PKD1L1: variants seen among roughly 807,000 people sequenced by gnomAD.
PKD1L1 encodes polycystin-1-like protein 1.
In PKD1L1, 236 loss-of-function variants were observed where a neutral mutation model predicts 323.4. The observed-to-expected ratio is 0.73, with a 90% CI of 0.66 to 0.81. The LOEUF (loss-of-function observed/expected upper bound fraction) is 0.81. Among genes scored for constraint, PKD1L1 ranks in the 40% least tolerant of loss-of-function variants. The pLI is 0.00. For missense variants in PKD1L1, 3,320 were observed against 3,508.0 expected, an observed-to-expected ratio of 0.95 and a Z score of 1.35; for synonymous variants, 1,344 against 1,335.0, an observed-to-expected ratio of 1.01 and a Z score of -0.15.
chr7:47,899,697 C>G (rs1342021224), intron 13 of PKD1L1, among the ~76,000 whole-genome samples: 1 of 152,114 alleles, frequency 6.6e-6, no homozygotes, highest in Non-Finnish European at 1.5e-5. Context: ...TGACGCAAGC[C>G]TGTAATCCCA....
At chr7:47,789,668 C>T (rs188184467) in intron 56 of PKD1L1, among the ~76,000 whole-genome samples, 196 of 152,224 alleles carry the variant, frequency 1.3e-3, no homozygotes, top group Non-Finnish European at 2.5e-3. Context: ...CATGGGATTT[C>T]GTCTGTCAGT....
the PKD1L1 span, chr7:47,957,301 C>T: frequency 6.5e-6 from 1 of 153,310 alleles, no homozygotes; most frequent in South Asian, 2.0e-4. Context: ...GTTCATTGAA[C>T]ATTTACAGAA....
Position 47,833,222 on chromosome 7 carries a change from C to T in PKD1L1, c.6205G>A (p.Gly2069Ser). Residue 2069 changes from glycine (G) to serine (S), a missense_variant, in exon 41 of 57, where the codon GGC becomes AGC. Gly to Ser is a moderately conservative substitution (Grantham distance 56, BLOSUM62 0). Coordinates refer to ENST00000289672, the MANE Select transcript of PKD1L1 (RefSeq NM_138295.5). ...QPASAILSGS[G>S]RAQRKAASDN... The stretch of plus-strand genomic sequence containing the variant: ...CTTGCCGCCTTCCTTTGGGCCCTGC[C>T]ACTCCCAGAGAGAATGGCTGATGCA... 1 of 1,613,146 alleles carries T rather than the reference C, an allele frequency of 6.2e-7. No individual in the cohort carries two copies.
At chr7:47,949,712 C>T (rs1385470070), upstream of PKD1L1, among the ~76,000 whole-genome samples, 1 of 152,144 alleles carries the variant, frequency 6.6e-6, no homozygotes, top group African/African-American at 2.4e-5. Context: ...TTTTTTCTCT[C>T]CACTCTGAAG....
chr7:47,793,363 G>A (rs1412310473), intron 55 of PKD1L1, among the ~76,000 whole-genome samples: 2 of 152,072 alleles, frequency 1.3e-5, no homozygotes, highest in Non-Finnish European at 2.9e-5. Context: ...AGGGACCTGG[G>A]GGGAGGTAAT....
intron 1 of PKD1L1, among the ~76,000 whole-genome samples, chr7:47,944,351 C>T (rs937887536): frequency 2.0e-5 from 3 of 152,178 alleles, no homozygotes; most frequent in South Asian, 2.1e-4. Context: ...CCTGAGGCCT[C>T]CCCAGTAGCA....
Position 47,815,390 on chromosome 7 carries a change from G to C in PKD1L1, c.7033C>G (p.Leu2345Val), listed in dbSNP as rs1784994587. Reference sequence around the variant, plus strand: ...CCTCCCGGGTACAGGCCATCCAGAAGTGTGGTCAGACTCCAGTCCCACCAG... The same window carrying C: ...CCTCCCGGGTACAGGCCATCCAGAACTGTGGTCAGACTCCAGTCCCACCAG... Reference protein sequence around the residue: ...ADWWDWSLTTLLDGLYPGGTP... With the variant: ...ADWWDWSLTTVLDGLYPGGTP... Residue 2345 changes from leucine to valine, a missense_variant, in exon 47 of 57, where the codon CTT becomes GTT. By Grantham distance (32) the Leu-to-Val change is conservative. Transcript: ENST00000289672. 3.7e-6 allele frequency: 6 copies of C among 1,614,180 alleles called. No homozygotes were observed. The highest frequency in any genetic ancestry group is 5.1e-6 in the Non-Finnish European group (6 of 1,180,012).
In PKD1L1 at chr7:47,890,568, C is replaced by G; in HGVS notation, c.2649G>C (p.Leu883=). The G allele has an allele frequency of 6.2e-7, 1 of 1,614,098 alleles. No homozygotes were observed. Among genetic ancestry groups the G allele is most frequent in the Non-Finnish European group, 8.5e-7 (1 of 1,180,036 alleles). Residue 883 remains leucine, a synonymous_variant, in exon 16 of 57, where the codon CTG becomes CTC. Transcript: ENST00000289672. ...GRNSSETRVF[L]SPYPDSAFRF... is the part of the protein sequence containing the mutation. The stretch of plus-strand genomic sequence containing the variant: ...TGAACGCCGAGTCAGGGTAGGGGGA[C>G]AGGAACACCCGGGTCTCAGAAGAGT...
At chr7:47,884,280 T>A (rs139600738) in intron 19 of PKD1L1, among the ~76,000 whole-genome samples, 3 of 151,980 alleles carry the variant, frequency 2.0e-5, no homozygotes, top group Non-Finnish European at 4.4e-5. Flanking sequence ...GCTGAGCAGA[T>A]AACTTAGGAA....
rs116629741 is a variant in PKD1L1, at chr7:47,810,480, G to A, written c.7582-903C>T. Among the ~76,000 whole-genome samples the A allele has an allele frequency of 6.7e-3, 1,015 of 152,294 alleles. 5 individuals are homozygous for A. The highest frequency in any genetic ancestry group is 0.023 in the African/African-American group (964 of 41,556). On this transcript the variant is annotated intron_variant, in intron 50 of 56. Transcript: ENST00000289672. ...CCCTTAAATTTGATGCCCAAGGTAAGTACTTTATGTGTCTCCCCCAGGCAG... is the reference window on the plus strand; with the variant it reads ...CCCTTAAATTTGATGCCCAAGGTAAATACTTTATGTGTCTCCCCCAGGCAG...
intron 31 of PKD1L1, among the ~76,000 whole-genome samples, chr7:47,850,545 T>A (rs1388810905): frequency 1.4e-5 from 2 of 145,212 alleles, no homozygotes; most frequent in African/African-American, 5.2e-5. Context: ...GGCAGGAGAA[T>A]CGCTTGAACC....
In PKD1L1 at chr7:47,798,103, C is replaced by T. The variant is rs543462813; in HGVS notation, c.8194-1953G>A. Among the ~76,000 whole-genome samples, 150 of 152,214 alleles carry T rather than the reference C, an allele frequency of 9.9e-4. 1 individual carries two copies. The highest frequency in any genetic ancestry group is 3.3e-3 in the African/African-American group (136 of 41,532). On this transcript the variant is annotated intron_variant, in intron 54 of 56. Coordinates refer to ENST00000289672, the MANE Select transcript of PKD1L1 (RefSeq NM_138295.5). Reference sequence around the variant, plus strand: ...AGATAGTAACAAGATGATTCTAAAACATATTGAAAGGCAAAAGAGCTAGAA... The same window carrying T: ...AGATAGTAACAAGATGATTCTAAAATATATTGAAAGGCAAAAGAGCTAGAA...
intron 33 of PKD1L1, 52 bp from the exon 34 acceptor site, chr7:47,843,221 T>C (rs1207825812): frequency 7.0e-7 from 1 of 1,430,516 alleles, no homozygotes; most frequent in Non-Finnish European, 9.6e-7. Context: ...AATAGACATA[T>C]AGGAAAAGAC....
At chr7:47,899,738 C>T (rs535316803) in intron 13 of PKD1L1, among the ~76,000 whole-genome samples, 35 of 152,106 alleles carry the variant, frequency 2.3e-4, no homozygotes, top group East Asian at 3.9e-4. Context: ...GGGCGGATCA[C>T]GAGGTCAGGA....
chr7:47,865,002 A>T (rs1367312542), intron 26 of PKD1L1, among the ~76,000 whole-genome samples: 2 of 152,112 alleles, frequency 1.3e-5, no homozygotes, highest in African/African-American at 4.8e-5. Context: ...CTGAGATTAC[A>T]GGTGTGAGCC....
chr7:47,841,847 A>C (rs1225032682), intron 34 of PKD1L1, among the ~76,000 whole-genome samples: 2 of 152,166 alleles, frequency 1.3e-5, no homozygotes, highest in African/African-American at 4.8e-5. Flanking sequence ...TTGCTGTTTT[A>C]TAGAGATTAT....
chr7:47,880,264 A>T (rs1583643118), intron 21 of PKD1L1, among the ~76,000 whole-genome samples: 2 of 83,038 alleles, frequency 2.4e-5, no homozygotes, highest in African/African-American at 1.2e-4. Flanking sequence ...ATATATATAT[A>T]CATATATATA....
At chr7:47,917,910 TA>T (rs896248409) in intron 7 of PKD1L1, among the ~76,000 whole-genome samples, 3 of 151,678 alleles carry the variant, frequency 2.0e-5, no homozygotes, top group Non-Finnish European at 4.4e-5. Flanking sequence ...AAACTACAAT[TA>T]AAAAAACCCA....
intron 17 of PKD1L1, 59 bp from the exon 18 acceptor site, chr7:47,886,113 A>T: frequency 6.5e-7 from 1 of 1,541,378 alleles, no homozygotes; most frequent in South Asian, 1.3e-5. Context: ...ATATTTGCTT[A>T]AAAAGTCTAC....
Sources: gnomAD v4.1 joint callset for allele counts (sites outside exome capture counted in the v4.1 genomes callset) on GRCh38, gnomAD v4.1.1 for gene constraint, MANE v1.5 for transcripts, NCBI Gene and HGNC (gene_info 2026-07-23, HGNC 2026-07-21) for gene names.